Variants in MDGA2 observed in about 807,000 individuals in gnomAD.
MDGA2 encodes the protein MAM domain containing glycosylphosphatidylinositol anchor 2, also known as MAM domain-containing glycosylphosphatidylinositol anchor protein 2.
A neutral mutation model predicts 117.8 loss-of-function variants in MDGA2; 40 were observed. The ratio of observed to expected loss-of-function variants is 0.34; its 90% CI spans 0.26 to 0.44. MDGA2 has a LOEUF of 0.44. Among genes scored for constraint, MDGA2 ranks in the 20% least tolerant of loss-of-function variants. The probability of loss-of-function intolerance (pLI) is 1.00; values close to 1 mark genes in which losing one functional copy is unlikely to be tolerated. For synonymous variants in MDGA2, 452 were observed against 439.0 expected, an observed-to-expected ratio of 1.03 and a Z score of -0.37; for missense variants, 1,123 against 1,250.6, an observed-to-expected ratio of 0.90 and a Z score of 1.54.
At chr14:47,147,753 T>A (rs998991997) in intron 3 of MDGA2, among the ~76,000 whole-genome samples, 1 of 152,154 alleles carries the variant, frequency 6.6e-6, no homozygotes, top group African/African-American at 2.4e-5. Flanking sequence ...TGAAAAGCTA[T>A]TCCAAGACTC....
rs555142599 is a variant in MDGA2 at position 47,096,447 on chromosome 14, A to G, written c.1195+407T>C. On this transcript the variant is annotated intron_variant, in intron 6 of 16. Transcript: ENST00000399232. ...CTATATAACCTCACAATTTAAAGCC[A>G]TGATTGTAATAGGGGCTCAATAAAA... Among the ~76,000 whole-genome samples, 6 of 152,140 alleles carry G rather than the reference A, an allele frequency of 3.9e-5. 1 individual carries two copies. The South Asian group carries it at 1.2e-3, about 32-fold the overall frequency.
At chr14:46,989,918 T>G (rs1380358364) in intron 8 of MDGA2, among the ~76,000 whole-genome samples, 1 of 152,122 alleles carries the variant, frequency 6.6e-6, no homozygotes, top group Non-Finnish European at 1.5e-5. Context: ...TATCCCAGCA[T>G]TCAATTTATC....
intron 9 of MDGA2, among the ~76,000 whole-genome samples, chr14:46,929,918 G>A (rs939123726): frequency 3.3e-5 from 5 of 151,154 alleles, no homozygotes; most frequent in Non-Finnish European, 5.9e-5. Context: ...TTACAAGCAT[G>A]AGCCACTGCG....
chr14:47,624,762 AT>A (rs1157241369), intron 1 of MDGA2, among the ~76,000 whole-genome samples: 4 of 152,170 alleles, frequency 2.6e-5, no homozygotes, highest in African/African-American at 7.2e-5. Flanking sequence ...GAAACATAAC[AT>A]TTCTGCTTAT....
chr14:46,999,106 T>C (rs2138473090), intron 8 of MDGA2, among the ~76,000 whole-genome samples: 1 of 152,166 alleles, frequency 6.6e-6, no homozygotes, highest in African/African-American at 2.4e-5. Flanking sequence ...CAATCAATAG[T>C]GTTGACTTTT....
chr14:47,126,041 CTAATTA>C (rs1881887145), intron 5 of MDGA2, among the ~76,000 whole-genome samples: 2 of 151,898 alleles, frequency 1.3e-5, no homozygotes, highest in Admixed American at 1.3e-4. Flanking sequence ...CTCAGTTATC[CTAATTA>C]TGATAATTTC....
chr14:47,470,560 G>T (rs932652511), intron 1 of MDGA2, among the ~76,000 whole-genome samples: 1 of 152,092 alleles, frequency 6.6e-6, no homozygotes, highest in East Asian at 1.9e-4. Flanking sequence ...ATTGTGAATA[G>T]TGCCACAATA....
At chr14:47,109,474 G>A (rs1337626165) in intron 5 of MDGA2, among the ~76,000 whole-genome samples, 1 of 152,088 alleles carries the variant, frequency 6.6e-6, no homozygotes, top group Non-Finnish European at 1.5e-5. Context: ...AGATATTTAG[G>A]AGTAGGACAT....
At chr14:47,403,776 A>C (rs1594840180) in intron 1 of MDGA2, among the ~76,000 whole-genome samples, 1 of 152,148 alleles carries the variant, frequency 6.6e-6, no homozygotes, top group African/African-American at 2.4e-5. Flanking sequence ...ATAGCAAAAA[A>C]AGGAAGGTCT....
intron 1 of MDGA2, among the ~76,000 whole-genome samples, chr14:47,382,169 G>A (rs1043919627): frequency 6.6e-6 from 1 of 152,108 alleles, no homozygotes; most frequent in South Asian, 2.1e-4. Flanking sequence ...AGCTGAAACT[G>A]GATCCCTTCC....
chr14:47,622,334 A>G (rs1192538094), intron 1 of MDGA2, among the ~76,000 whole-genome samples: 2 of 152,238 alleles, frequency 1.3e-5, no homozygotes, highest in Non-Finnish European at 2.9e-5. Context: ...ATAGGCATTA[A>G]GGAGACAACT....
rs111770577 is a variant in MDGA2, at chr14:47,160,249, T to C, written c.596-15975A>G. 9.5e-4 allele frequency among the ~76,000 whole-genome samples: 144 copies of C among 152,352 alleles called. 1 individual carries two copies. The highest frequency in any genetic ancestry group is 3.4e-3 in the Middle Eastern group (1 of 294). On this transcript the variant is annotated intron_variant, in intron 3 of 16. Transcript: ENST00000399232. ...TGTGCAAAACCATATTAATGTGACA[T>C]AGAAGTTTTTAGCTTCTGAACTCTA...
intron 1 of MDGA2, among the ~76,000 whole-genome samples, chr14:47,448,124 T>C (rs1171575853): frequency 1.3e-5 from 1 of 76,516 alleles, no homozygotes; most frequent in Non-Finnish European, 2.5e-5. Context: ...TGAGGCCTAC[T>C]TTATTTATTT....
At chr14:47,214,568 T>TG (rs1302553169) in intron 3 of MDGA2, among the ~76,000 whole-genome samples, 3 of 152,136 alleles carry the variant, frequency 2.0e-5, no homozygotes, top group Non-Finnish European at 4.4e-5. Flanking sequence ...GAAAATTATG[T>TG]GGGAAAAAGT....
At chr14:47,176,376 C>A (rs150636023) in intron 3 of MDGA2, among the ~76,000 whole-genome samples, 13,925 of 152,198 alleles carry the variant, frequency 0.091, 755 homozygotes, top group Admixed American at 0.17. Context: ...AAGCTGGAGG[C>A]ATCACGCTAC....
chr14:47,508,683 T>C (rs567868421), intron 1 of MDGA2, among the ~76,000 whole-genome samples: 124 of 151,882 alleles, frequency 8.2e-4, no homozygotes, highest in Admixed American at 2.4e-3. Context: ...TTTTTGTTTG[T>C]TTGTTTGTTT....
At chr14:47,541,711 T>C (rs1895355873) in intron 1 of MDGA2, among the ~76,000 whole-genome samples, 1 of 152,170 alleles carries the variant, frequency 6.6e-6, no homozygotes. Context: ...CTTGAAGAAA[T>C]GTCTTCATCT....
chr14:47,528,277 A>G (rs1895014824), intron 1 of MDGA2, among the ~76,000 whole-genome samples: 2 of 152,024 alleles, frequency 1.3e-5, no homozygotes, highest in African/African-American at 4.8e-5. Flanking sequence ...ATCAAATTTA[A>G]TCAGTGCTTA....
intron 1 of MDGA2, among the ~76,000 whole-genome samples, chr14:47,489,016 T>G (rs971365923): frequency 3.3e-5 from 5 of 152,148 alleles, no homozygotes; most frequent in African/African-American, 1.2e-4. Flanking sequence ...AAATTAATCT[T>G]CTTGTATACC....
Sources: gnomAD v4.1 joint callset for allele counts (sites outside exome capture counted in the v4.1 genomes callset) on GRCh38, gnomAD v4.1.1 for gene constraint, MANE v1.5 for transcripts, NCBI Gene and HGNC (gene_info 2026-07-23, HGNC 2026-07-21) for gene names.